The following IMPG1 variants were observed in gnomAD, a reference collection of about 807,000 sequenced individuals.
IMPG1 encodes the protein interphotoreceptor matrix proteoglycan 1, also known as interphotoreceptor matrix proteoglycan of 150 kDa.
IMPG1 carries 85 observed loss-of-function variants against 92.0 expected under a neutral mutation model. That is an observed-to-expected ratio of 0.92 (90% CI 0.78 to 1.11). The LOEUF (loss-of-function observed/expected upper bound fraction) is 1.11. Among genes scored for constraint, IMPG1 ranks in the 50% least tolerant of loss-of-function variants. The pLI is 0.00. For missense variants in IMPG1, 1,022 were observed against 956.0 expected (o/e 1.07, Z -0.91); for synonymous variants, 367 against 334.1 (o/e 1.10, Z -1.08).
At chr6:76,010,254 C>A (rs1203475870) in intron 8 of IMPG1, among the ~76,000 whole-genome samples, 1 of 152,214 alleles carries the variant, frequency 6.6e-6, no homozygotes, top group African/African-American at 2.4e-5. Context: ...GAGCCAGAAA[C>A]ACTTCTGGGG....
chr6:75,987,647 CTTT>C (rs529646405), intron 12 of IMPG1, among the ~76,000 whole-genome samples: 2 of 141,214 alleles, frequency 1.4e-5, no homozygotes, highest in Admixed American at 7.1e-5. Flanking sequence ...GAACTCATCA[CTTT>C]TTTTTTTTTT....
intron 6 of IMPG1, among the ~76,000 whole-genome samples, chr6:76,019,426 C>T (rs770575586): frequency 8.5e-5 from 13 of 152,178 alleles, no homozygotes; most frequent in African/African-American, 1.7e-4. Context: ...TCTCTGGTTA[C>T]GTACATGGTC....
At chr6:75,935,422 G>A (rs1031679963) in intron 14 of IMPG1, among the ~76,000 whole-genome samples, 2 of 152,258 alleles carry the variant, frequency 1.3e-5, no homozygotes, top group Non-Finnish European at 2.9e-5. Flanking sequence ...GGCGCCCAGC[G>A]TGACAAAGCT....
At chr6:76,007,405 A>G in intron 9 of IMPG1, 75 bp downstream of exon 9, 2 of 1,113,258 alleles carry the variant, frequency 1.8e-6, no homozygotes, top group Non-Finnish European at 2.7e-6. Flanking sequence ...TGTAAAAATT[A>G]TTTGTGCAAA....
intron 12 of IMPG1, among the ~76,000 whole-genome samples, chr6:75,957,754 C>T (rs1473854281): frequency 2.0e-5 from 3 of 152,284 alleles, no homozygotes; most frequent in Admixed American, 6.5e-5. Context: ...TTTCCATTTG[C>T]TTCATAAATA....
intron 1 of IMPG1, among the ~76,000 whole-genome samples, chr6:76,048,317 C>T (rs1172798248): frequency 6.6e-6 from 1 of 152,192 alleles, no homozygotes; most frequent in African/African-American, 2.4e-5. Flanking sequence ...GGGAGCTACA[C>T]ACTTTTCTCA....
At chr6:76,047,956 A>G (rs1233832271) in intron 1 of IMPG1, among the ~76,000 whole-genome samples, 1 of 152,202 alleles carries the variant, frequency 6.6e-6, no homozygotes, top group East Asian at 1.9e-4. Flanking sequence ...CAGAAAAGAG[A>G]TGGTTTATAT....
At chr6:75,971,221 A>G (rs1782408885) in intron 12 of IMPG1, among the ~76,000 whole-genome samples, 1 of 151,746 alleles carries the variant, frequency 6.6e-6, no homozygotes, top group Admixed American at 6.6e-5. Flanking sequence ...CGCACGGACA[A>G]AAAACCAAAC....
Position 75,932,815 on chromosome 6 carries a change from C to T in IMPG1, c.2045-1664G>A, listed in dbSNP as rs184220173. On this transcript the variant is annotated intron_variant, in intron 14 of 16. Transcript: ENST00000369950. ...TCCCAGGTTCAAGCGATTCTCCTGCCTCAGCCTCTTGAGTAGCTGGGCCTA... is the reference window on the plus strand; with the variant it reads ...TCCCAGGTTCAAGCGATTCTCCTGCTTCAGCCTCTTGAGTAGCTGGGCCTA... 5.7e-3 allele frequency among the ~76,000 whole-genome samples: 869 copies of T among 152,050 alleles called. 12 individuals are homozygous for T. Among genetic ancestry groups the T allele is most frequent in the African/African-American group, 0.019 (794 of 41,490 alleles).
intron 14 of IMPG1, chr6:75,934,833 C>G (rs1781717304): frequency 2.5e-6 from 1 of 404,518 alleles, no homozygotes; most frequent in East Asian, 7.5e-5. Flanking sequence ...CTGCTCTTGC[C>G]GCATGTCCTA....
rs897991436 is a variant in IMPG1 at position 75,950,993 on chromosome 6, T to A, written c.1393A>T (p.Thr465Ser). The change falls in exon 13 of 17, where the codon ACA (threonine) becomes TCA (serine). Residue 465 changes from threonine to serine, a missense_variant. This residue lies in a region of IMPG1 where 681 missense variants were observed against 583.6 expected (regional missense o/e 1.17). Transcript: ENST00000369950. Reference sequence around the variant, plus strand: ...GTCTGGTCAGTGGCCATTGTATCTGTGGTGCCTTGATCAGTCAGAGAGAAG... The same window carrying A: ...GTCTGGTCAGTGGCCATTGTATCTGAGGTGCCTTGATCAGTCAGAGAGAAG... ...SIFSLTDQGT[T>S]DTMATDQTML... 4.3e-6 allele frequency: 7 copies of A among 1,613,818 alleles called. 1 individual carries two copies. The Admixed American group carries it at 6.7e-5, about 15-fold the overall frequency.
chr6:75,930,855 T>C, intron 15 of IMPG1, 98 bp downstream of exon 15: 1 of 1,119,378 alleles, frequency 8.9e-7, no homozygotes, highest in Middle Eastern at 3.0e-4. Flanking sequence ...TTAAAAACCA[T>C]GGGTTGAAAG....
chr6:76,012,478 C>T (rs1051769851), intron 7 of IMPG1, among the ~76,000 whole-genome samples: 3 of 152,230 alleles, frequency 2.0e-5, no homozygotes, highest in African/African-American at 7.2e-5. Flanking sequence ...TCTCTCTTTT[C>T]TTCTGGAAGC....
At chr6:76,037,719 A>G (rs1360499688) in intron 2 of IMPG1, among the ~76,000 whole-genome samples, 1 of 152,198 alleles carries the variant, frequency 6.6e-6, no homozygotes, top group Non-Finnish European at 1.5e-5. Flanking sequence ...TTTTGTGGCT[A>G]CTTCAATTCA....
intron 10 of IMPG1, among the ~76,000 whole-genome samples, chr6:76,004,960 T>C (rs929187664): frequency 6.6e-6 from 1 of 152,158 alleles, no homozygotes; most frequent in Non-Finnish European, 1.5e-5. Context: ...ATTGACTACA[T>C]GAGAGAATAT....
At chr6:76,023,515 C>A (rs1194611888) in intron 5 of IMPG1, among the ~76,000 whole-genome samples, 1 of 152,154 alleles carries the variant, frequency 6.6e-6, no homozygotes, top group African/African-American at 2.4e-5. Flanking sequence ...TGTCTTCGAG[C>A]ACATTCAGCC....
At chr6:76,031,009 T>G (rs979032583) in intron 4 of IMPG1, among the ~76,000 whole-genome samples, 1 of 151,950 alleles carries the variant, frequency 6.6e-6, no homozygotes, top group African/African-American at 2.4e-5. Context: ...TCTAGTTAGG[T>G]GAGTGTCCCT....
chr6:75,965,609 T>TTC (rs1477659859), intron 12 of IMPG1, among the ~76,000 whole-genome samples: 3 of 142,566 alleles, frequency 2.1e-5, no homozygotes, highest in Non-Finnish European at 4.6e-5. Context: ...ACTTGTTCTT[T>TTC]TTTTTTTTTT....
At chr6:76,023,117 G>T (rs753414747) in intron 5 of IMPG1, among the ~76,000 whole-genome samples, 4 of 152,148 alleles carry the variant, frequency 2.6e-5, no homozygotes, top group Non-Finnish European at 4.4e-5. Flanking sequence ...TTCCTAGTGG[G>T]GGCGTGAGAG....
Sources: gnomAD v4.1 joint callset for allele counts (sites outside exome capture counted in the v4.1 genomes callset) on GRCh38, gnomAD v4.1.1 for gene constraint, gnomAD v4.1.1 regional missense constraint, MANE v1.5 for transcripts, NCBI Gene and HGNC (gene_info 2026-07-23, HGNC 2026-07-21) for gene names.